The following SFMBT2 variants were observed in gnomAD, a reference collection of about 807,000 sequenced individuals.
SFMBT2 encodes Scm like with four mbt domains 2.
SFMBT2 carries 38 observed loss-of-function variants against 110.1 expected under a neutral mutation model. That is an observed-to-expected ratio of 0.35 (90% CI 0.27 to 0.45). The LOEUF (loss-of-function observed/expected upper bound fraction) is 0.45. SFMBT2 is among the 20% of genes least tolerant of loss of function. The probability of loss-of-function intolerance (pLI) is 1.00; values close to 1 mark genes in which losing one functional copy is unlikely to be tolerated. For missense variants in SFMBT2, 1,011 were observed against 1,094.9 expected (o/e 0.92, Z 1.08); for synonymous variants, 425 against 425.4 (o/e 1.00, Z 0.01).
intron 9 of SFMBT2, 93 bp downstream of exon 9, chr10:7,243,465 C>T (rs1045803541): frequency 3.2e-5 from 25 of 789,536 alleles, no homozygotes; most frequent in Non-Finnish European, 5.4e-5. Context: ...CTTTACACAA[C>T]CAGCCTCCCC....
intron 4 of SFMBT2, among the ~76,000 whole-genome samples, chr10:7,355,731 G>C (rs531877838): frequency 6.6e-6 from 1 of 152,254 alleles, no homozygotes; most frequent in Non-Finnish European, 1.5e-5. Flanking sequence ...AGAACTGCTT[G>C]AACCCAGGAG....
intron 11 of SFMBT2, among the ~76,000 whole-genome samples, chr10:7,214,414 C>T (rs1839462104): frequency 6.6e-6 from 1 of 152,224 alleles, no homozygotes; most frequent in Non-Finnish European, 1.5e-5. Flanking sequence ...AGAGAACTAA[C>T]CCACCTCCAC....
At chr10:7,295,540 T>C (rs1842383494) in intron 4 of SFMBT2, among the ~76,000 whole-genome samples, 2 of 152,248 alleles carry the variant, frequency 1.3e-5, no homozygotes, top group South Asian at 4.1e-4. Context: ...AGAGCGACTG[T>C]TACCATAATA....
At chr10:7,379,269 G>A (rs1312398164) in intron 2 of SFMBT2, among the ~76,000 whole-genome samples, 2 of 152,086 alleles carry the variant, frequency 1.3e-5, no homozygotes, top group African/African-American at 4.8e-5. Flanking sequence ...CTAAGACTCT[G>A]CAACAGCCCC....
At chr10:7,342,396 CT>C (rs71382101) in intron 4 of SFMBT2, among the ~76,000 whole-genome samples, 2,494 of 69,606 alleles carry the variant, frequency 0.036, 94 homozygotes, top group Non-Finnish European at 0.055. Flanking sequence ...TGGAGTGAGT[CT>C]TTTTTTTTTT....
In SFMBT2 at chr10:7,406,794, T is replaced by C. The variant is rs192342128; in HGVS notation, c.-52+4067A>G. 7.9e-5 allele frequency among the ~76,000 whole-genome samples: 12 copies of C among 152,290 alleles called. No homozygotes were observed. The East Asian group carries it at 1.7e-3, about 22-fold the overall frequency. ...AGGATGGATGTATCCCAATGGGAAA[T>C]GGGAAACAGTTCCCACCTCAGCAGG... On this transcript the variant is annotated intron_variant, in intron 1 of 20. Transcript: ENST00000397167.
chr10:7,286,378 A>C, intron 4 of SFMBT2: 1 of 975,280 alleles, frequency 1.0e-6, no homozygotes, highest in Non-Finnish European at 1.2e-6. Flanking sequence ...TCAGAAGAAG[A>C]AGGAATTTGC....
intron 4 of SFMBT2, among the ~76,000 whole-genome samples, chr10:7,362,900 G>A (rs1264002012): frequency 6.6e-6 from 1 of 152,202 alleles, no homozygotes. Flanking sequence ...AGACGTCCAT[G>A]GATCTTAACT....
At chr10:7,199,724 T>C (rs1838892964) in intron 14 of SFMBT2, among the ~76,000 whole-genome samples, 1 of 152,240 alleles carries the variant, frequency 6.6e-6, no homozygotes, top group African/African-American at 2.4e-5. Context: ...AAGCTACTTA[T>C]AAAACTGCTC....
At chr10:7,385,801 C>T (rs994304598) in intron 1 of SFMBT2, among the ~76,000 whole-genome samples, 60 of 152,042 alleles carry the variant, frequency 3.9e-4, no homozygotes, top group Non-Finnish European at 7.1e-4. Flanking sequence ...AGATCAAGAC[C>T]ATCCTGGCTA....
chr10:7,313,965 G>T (rs568063064), intron 4 of SFMBT2, among the ~76,000 whole-genome samples: 3 of 152,298 alleles, frequency 2.0e-5, no homozygotes, highest in East Asian at 1.9e-4. Flanking sequence ...GAGTTTGAAG[G>T]GGGGAGAGGA....
intron 4 of SFMBT2, among the ~76,000 whole-genome samples, chr10:7,359,728 C>T (rs1046034761): frequency 2.6e-5 from 4 of 152,080 alleles, no homozygotes; most frequent in African/African-American, 7.2e-5. Context: ...ACTTATTTGC[C>T]GCCAAAAAAG....
chr10:7,262,395 C>A (rs1472681414), intron 7 of SFMBT2, among the ~76,000 whole-genome samples: 1 of 152,092 alleles, frequency 6.6e-6, no homozygotes, highest in Admixed American at 6.5e-5. Context: ...AAAAATCAGG[C>A]ACAATGATCA....
chr10:7,188,769 T>A, intron 15 of SFMBT2, 36 bp from the exon 16 acceptor site: 1 of 1,545,290 alleles, frequency 6.5e-7, no homozygotes, highest in Admixed American at 1.7e-5. Flanking sequence ...TGAGCTGCAA[T>A]TGCATTCATT....
intron 4 of SFMBT2, among the ~76,000 whole-genome samples, chr10:7,344,897 T>G (rs1436358917): frequency 1.4e-5 from 2 of 142,658 alleles, no homozygotes; most frequent in Admixed American, 1.5e-4. Context: ...AGACGGAGCT[T>G]GCAGTGAGCC....
chr10:7,276,985 G>T lies in SFMBT2; in HGVS notation c.777C>A (p.Ile259=). The stretch of plus-strand genomic sequence containing the variant: ...ATTCAGAGGCCATCTTCAAAGGATA[G>T]ATTTCTGTATCAACAGCAAATCACA... The part of the protein sequence containing the change: ...NKYRMDPPSE[I]YPLKMASEWK... Residue 259 remains isoleucine (I), a synonymous_variant, in exon 7 of 21, where the codon ATC becomes ATA. Coordinates refer to ENST00000397167, the MANE Select transcript of SFMBT2 (RefSeq NM_001387889.1). 1.1e-6 allele frequency: 1 copy of T among 871,952 alleles called. No individual in the cohort carries two copies. Among genetic ancestry groups the T allele is most frequent in the South Asian group, 1.3e-5 (1 of 76,506 alleles). 54.0% of individuals were successfully genotyped at this position (871,952 alleles called of 1,614,324 possible). A position where few individuals can be genotyped will look rare whatever the true frequency, so the allele number is the denominator to read the frequency against.
At chr10:7,204,383 T>C (rs1839059642) in intron 12 of SFMBT2, 3 of 985,404 alleles carry the variant, frequency 3.0e-6, no homozygotes, top group Non-Finnish European at 2.4e-6. Flanking sequence ...TAGGAAGAAG[T>C]AAAGTTGGTG....
intron 4 of SFMBT2, among the ~76,000 whole-genome samples, chr10:7,288,854 C>A (rs955983152): frequency 1.2e-4 from 4 of 33,572 alleles, no homozygotes; most frequent in African/African-American, 5.0e-4. Context: ...TATGGTGAAA[C>A]CCCCCCCCCC....
chr10:7,364,475 T>G, intron 4 of SFMBT2, among the ~76,000 whole-genome samples: 1 of 152,176 alleles, frequency 6.6e-6, no homozygotes, highest in Non-Finnish European at 1.5e-5. Context: ...GAAGGAAGAA[T>G]TGATTAATAA....
Sources: allele counts gnomAD v4.1 joint callset (sites outside exome capture counted in the v4.1 genomes callset), GRCh38; gene constraint gnomAD v4.1.1; transcripts MANE v1.5; gene names NCBI Gene and HGNC (gene_info 2026-07-23, HGNC 2026-07-21).